Variants in CRYBG1 observed in about 807,000 individuals in gnomAD.
CRYBG1 encodes the protein beta/gamma crystallin domain-containing protein 1.
In CRYBG1, 139 loss-of-function variants were observed where a neutral mutation model predicts 189.2. That is an observed-to-expected ratio of 0.73 (90% CI 0.64 to 0.85). The LOEUF (loss-of-function observed/expected upper bound fraction) is 0.85, where lower values mean the gene tolerates loss of function less well. Among genes scored for constraint, CRYBG1 ranks in the 40% least tolerant of loss-of-function variants. CRYBG1 has a pLI of 0.00. For missense variants in CRYBG1, 2,611 were observed against 2,675.8 expected (o/e 0.98, Z 0.53); for synonymous variants, 1,023 against 1,017.1 (o/e 1.01, Z -0.11).
intron 8 of CRYBG1, among the ~76,000 whole-genome samples, chr6:106,537,946 G>A (rs1351542245): frequency 3.3e-5 from 5 of 152,130 alleles, no homozygotes; most frequent in Admixed American, 6.5e-5. Context: ...AAAAACCACC[G>A]CCAAAAATGT....
At chr6:106,385,227 A>G (rs13193922) in intron 1 of CRYBG1, among the ~76,000 whole-genome samples, 18,167 of 152,214 alleles carry the variant, frequency 0.12, 1,200 homozygotes, top group African/African-American at 0.16. Context: ...GTATAAGAGA[A>G]ACGTGTGTGC....
intron 1 of CRYBG1, among the ~76,000 whole-genome samples, chr6:106,432,967 G>A (rs2114406844): frequency 6.6e-6 from 1 of 151,102 alleles, no homozygotes; most frequent in South Asian, 2.1e-4. Flanking sequence ...AGACTCCTGA[G>A]TAGCTGGAAC....
chr6:106,449,313 G>GA (rs1329613352), intron 1 of CRYBG1: 1 of 151,950 alleles, frequency 6.6e-6, no homozygotes, highest in Non-Finnish European at 1.5e-5. Context: ...TTCCAAAAAG[G>GA]AAAACTATTA....
At chr6:106,427,224 C>G (rs1199477204) in intron 1 of CRYBG1, among the ~76,000 whole-genome samples, 1 of 152,190 alleles carries the variant, frequency 6.6e-6, no homozygotes, top group African/African-American at 2.4e-5. Flanking sequence ...ATATCCATCT[C>G]TGTCTGCATC....
intron 1 of CRYBG1, among the ~76,000 whole-genome samples, chr6:106,375,586 T>C (rs535772893): frequency 6.6e-6 from 1 of 152,216 alleles, no homozygotes; most frequent in African/African-American, 2.4e-5. Context: ...GGTACCACTT[T>C]ATCTTCCTTA....
At chr6:106,428,896 G>C (rs1478618569) in intron 1 of CRYBG1, among the ~76,000 whole-genome samples, 1 of 152,198 alleles carries the variant, frequency 6.6e-6, no homozygotes, top group Non-Finnish European at 1.5e-5. Context: ...TCTCAGTTGA[G>C]GCATCTTCTC....
At chr6:106,377,647 A>ATATATATATATATATATATATATATATT (rs1562290499) in intron 1 of CRYBG1, among the ~76,000 whole-genome samples, 1 of 144,162 alleles carries the variant, frequency 6.9e-6, no homozygotes, top group African/African-American at 2.7e-5. Flanking sequence ...ATATATATAT[A>ATATATATATATATATATATATATATATT]TTTTCATTTG....
At chr6:106,394,722 T>A (rs544842894) in intron 1 of CRYBG1, among the ~76,000 whole-genome samples, 1 of 152,342 alleles carries the variant, frequency 6.6e-6, no homozygotes, top group East Asian at 1.9e-4. Context: ...TGCTTGTGGA[T>A]GTTAAGTTAG....
At chr6:106,458,163 T>C (rs1371958392) in intron 2 of CRYBG1, among the ~76,000 whole-genome samples, 2 of 152,246 alleles carry the variant, frequency 1.3e-5, no homozygotes, top group African/African-American at 4.8e-5. Flanking sequence ...AAAGTTAAAT[T>C]GAAATGGTTT....
intron 20 of CRYBG1, among the ~76,000 whole-genome samples, 197 bp from the exon 21 acceptor site, chr6:106,563,567 C>G (rs898341785): frequency 6.6e-6 from 1 of 152,230 alleles, no homozygotes; most frequent in Non-Finnish European, 1.5e-5. Context: ...ATTTTCCCAT[C>G]ATTCGTGTCA....
chr6:106,366,463 C>A (rs1295192368), intron 1 of CRYBG1, among the ~76,000 whole-genome samples: 2 of 152,122 alleles, frequency 1.3e-5, no homozygotes, highest in Admixed American at 6.5e-5. Context: ...TGACCTATCT[C>A]TTAACATTGT....
At chr6:106,492,616 C>A (rs188115098) in intron 2 of CRYBG1, among the ~76,000 whole-genome samples, 2 of 152,142 alleles carry the variant, frequency 1.3e-5, no homozygotes, top group East Asian at 3.8e-4. Context: ...TTTATTCAAA[C>A]GCCACCTTCT....
chr6:106,428,145 G>A (rs1771262120), intron 1 of CRYBG1, among the ~76,000 whole-genome samples: 1 of 152,000 alleles, frequency 6.6e-6, no homozygotes, highest in Non-Finnish European at 1.5e-5. Context: ...GCTTTCTTTT[G>A]TGTTTATTCT....
At chr6:106,503,232 GTTTCTACC>G (rs1397020352) in intron 2 of CRYBG1, among the ~76,000 whole-genome samples, 1 of 152,190 alleles carries the variant, frequency 6.6e-6, no homozygotes, top group East Asian at 1.9e-4. Context: ...AAGAAAGTCA[GTTTCTACC>G]TTCCATCATA....
chr6:106,522,301 T>C (rs1229682247), intron 4 of CRYBG1, among the ~76,000 whole-genome samples: 2 of 152,224 alleles, frequency 1.3e-5, no homozygotes, highest in Non-Finnish European at 2.9e-5. Flanking sequence ...TCCTATGCAA[T>C]TGAGACAGTA....
chr6:106,490,053 G>T (rs1772684837), intron 2 of CRYBG1, among the ~76,000 whole-genome samples: 1 of 152,280 alleles, frequency 6.6e-6, no homozygotes, highest in South Asian at 2.1e-4. Context: ...ACTCCAGCAG[G>T]GCATGAAAAG....
At chr6:106,508,883 C>A (rs1289828388) in intron 2 of CRYBG1, among the ~76,000 whole-genome samples, 2 of 143,500 alleles carry the variant, frequency 1.4e-5, no homozygotes, top group Non-Finnish European at 3.0e-5. Context: ...AGTTGAAGAG[C>A]AAGCAACCAG....
At chr6:106,531,544 G>C (rs1773875108) in intron 8 of CRYBG1, among the ~76,000 whole-genome samples, 1 of 152,200 alleles carries the variant, frequency 6.6e-6, no homozygotes, top group Non-Finnish European at 1.5e-5. Context: ...TAGGTAAAGA[G>C]TTTCTCATCG....
At chr6:106,422,217 A>G (rs528221429) in intron 1 of CRYBG1, among the ~76,000 whole-genome samples, 27 of 151,990 alleles carry the variant, frequency 1.8e-4, no homozygotes, top group Non-Finnish European at 3.5e-4. Context: ...TTATGGCCAC[A>G]ATCCTATTAG....
Sources: allele counts gnomAD v4.1 joint callset (sites outside exome capture counted in the v4.1 genomes callset), GRCh38; gene constraint gnomAD v4.1.1; transcripts MANE v1.5; gene names NCBI Gene and HGNC (gene_info 2026-07-23, HGNC 2026-07-21).